The following SSUH2 variants were observed in gnomAD, a reference collection of about 807,000 sequenced individuals.
The protein encoded by SSUH2 is protein SSUH2 homolog.
SSUH2 carries 47 observed loss-of-function variants against 55.3 expected under a neutral mutation model. The ratio of observed to expected loss-of-function variants is 0.85; its 90% CI spans 0.67 to 1.08. The LOEUF (loss-of-function observed/expected upper bound fraction) is 1.08, where lower values mean the gene tolerates loss of function less well. Ranked by LOEUF, SSUH2 falls within the 50% of genes least tolerant of loss-of-function variation. The pLI is 0.00. For synonymous variants in SSUH2, 212 were observed against 191.5 expected (o/e 1.11, Z -0.89); for missense variants, 535 against 490.7 (o/e 1.09, Z -0.85).
At chr3:8,635,649 C>T (rs1699801391) in intron 2 of SSUH2, 110 bp downstream of exon 2, 2 of 1,061,774 alleles carry the variant, frequency 1.9e-6, no homozygotes, top group African/African-American at 1.6e-5. Context: ...TCCCAGGGCC[C>T]CCCCAGGGAA....
chr3:8,663,565 G>T (rs1018228326), intron 6 of SSUH2, among the ~76,000 whole-genome samples: 12 of 152,238 alleles, frequency 7.9e-5, no homozygotes, highest in Admixed American at 3.9e-4. Flanking sequence ...CAGCAGTGGG[G>T]CGGGGTGGGG....
intron 8 of SSUH2, among the ~76,000 whole-genome samples, 177 bp from the exon 9 acceptor site, chr3:8,626,498 T>C (rs905245778): frequency 6.6e-6 from 1 of 151,316 alleles, no homozygotes; most frequent in African/African-American, 2.4e-5. Context: ...TCTATGGGGA[T>C]CACCCTTCCC....
At chr3:8,632,257 CA>C in intron 4 of SSUH2, 148 bp from the exon 5 acceptor site, 3 of 651,478 alleles carry the variant, frequency 4.6e-6, no homozygotes. Flanking sequence ...AACTGGCTGA[CA>C]ACAGCGATTT....
chr3:8,660,441 A>C (rs949035208), intron 6 of SSUH2, among the ~76,000 whole-genome samples: 5 of 152,182 alleles, frequency 3.3e-5, no homozygotes, highest in African/African-American at 1.2e-4. Context: ...GTTAAGAAGA[A>C]AAGAACAAGT....
intron 3 of SSUH2, chr3:8,677,123 G>C (rs111831731): frequency 3.3e-5 from 5 of 150,242 alleles, no homozygotes; most frequent in African/African-American, 1.2e-4. Context: ...GATACCCCCC[G>C]CGAGGCAGGG....
In SSUH2 at chr3:8,672,907, C is replaced by T. The variant is rs57592477; in HGVS notation, c.-752-872G>A. ...ATCAATATCACTGGGTGGGTGTACACCTGCTGCGATATTGAACGTAATATC... is the reference window on the plus strand; with the variant it reads ...ATCAATATCACTGGGTGGGTGTACATCTGCTGCGATATTGAACGTAATATC... On this transcript the variant is annotated intron_variant, in intron 3 of 18. Transcript: ENST00000317371. 2.6e-5 allele frequency among the ~76,000 whole-genome samples: 4 copies of T among 152,176 alleles called. No individual in the cohort carries two copies. In the South Asian group the frequency reaches 8.3e-4, roughly 32 times the overall value.
chr3:8,663,762 A>G lies in SSUH2; in HGVS notation c.-414T>C, dbSNP rs1211060465. ...CTCTTACCTTAACAAGGATTTCCCAACAACTGGTTTCCATAGGTACCACAG... is the reference window on the plus strand; with the variant it reads ...CTCTTACCTTAACAAGGATTTCCCAGCAACTGGTTTCCATAGGTACCACAG... On this transcript the variant is annotated 5_prime_UTR_variant, in exon 6 of 19. Transcript: ENST00000317371. The G allele has an allele frequency of 5.3e-5, 24 of 456,032 alleles. No homozygotes were observed. In the East Asian group the frequency reaches 1.5e-3, roughly 29 times the overall value. The allele number at this position is 456,032 out of a possible 1,614,324, so 28.2% of individuals were successfully genotyped here.
At chr3:8,622,152 A>G (rs1312786062) in intron 11 of SSUH2, among the ~76,000 whole-genome samples, 2 of 152,288 alleles carry the variant, frequency 1.3e-5, no homozygotes, top group East Asian at 1.9e-4. Flanking sequence ...TCATGGCTGG[A>G]TTTCGGCTCT....
chr3:8,620,806 C>A (rs115112571), intron 11 of SSUH2, among the ~76,000 whole-genome samples: 1 of 152,170 alleles, frequency 6.6e-6, no homozygotes, highest in Non-Finnish European at 1.5e-5. Context: ...TATTAGGAAG[C>A]GGTTTCTAAC....
intron 7 of SSUH2, among the ~76,000 whole-genome samples, chr3:8,653,645 T>G (rs1045852548): frequency 6.6e-6 from 1 of 152,218 alleles, no homozygotes; most frequent in African/African-American, 2.4e-5. Flanking sequence ...AACATAGAAA[T>G]AACTAAAATA....
chr3:8,635,448 G>T, intron 2 of SSUH2, 67 bp from the exon 3 acceptor site: 1 of 1,182,300 alleles, frequency 8.5e-7, no homozygotes, highest in Non-Finnish European at 1.2e-6. Context: ...TGTGGTGGAA[G>T]AAGGAAAGAC....
At chr3:8,650,351 G>A (rs1702254081) in intron 7 of SSUH2, among the ~76,000 whole-genome samples, 1 of 152,212 alleles carries the variant, frequency 6.6e-6, no homozygotes. Context: ...AAGCATATTT[G>A]TGTCTGTTTA....
chr3:8,619,644 T>C lies in SSUH2; in HGVS notation c.*224A>G. 2.1e-6 allele frequency: 1 copy of C among 468,622 alleles called. No individual in the cohort carries two copies. Among genetic ancestry groups the C allele is most frequent in the Non-Finnish European group, 3.7e-6 (1 of 268,628 alleles). The allele number at this position is 468,622 out of a possible 1,614,324, so 29.0% of individuals were successfully genotyped here. A position where few individuals can be genotyped will look rare whatever the true frequency, so the allele number is the denominator to read the frequency against. Reference sequence around the variant, plus strand: ...TTCTCTCATTTGTTCTACAGGAATGTGTATAGCTGAATTATTGTAGGTTAA... The same window carrying C: ...TTCTCTCATTTGTTCTACAGGAATGCGTATAGCTGAATTATTGTAGGTTAA... On this transcript the variant is annotated 3_prime_UTR_variant, in exon 12 of 12. Transcript: ENST00000544814.
chr3:8,646,278 A>G (rs1226223899), upstream of SSUH2, among the ~76,000 whole-genome samples: 3 of 152,222 alleles, frequency 2.0e-5, no homozygotes, highest in Non-Finnish European at 4.4e-5. Flanking sequence ...TAATGACAAA[A>G]TGCTTGCAAC....
At chr3:8,675,366 C>A (rs1705123425) in intron 3 of SSUH2, among the ~76,000 whole-genome samples, 1 of 152,206 alleles carries the variant, frequency 6.6e-6, no homozygotes, top group Non-Finnish European at 1.5e-5. Context: ...TGGCTCGAGA[C>A]CATCAGAAGT....
chr3:8,630,915 C>T lies in SSUH2; in HGVS notation c.415G>A (p.Gly139Arg), dbSNP rs755256111. The change falls in exon 6 of 12, where the codon GGG becomes AGG. Residue 139 changes from glycine (G) to arginine (R), a missense_variant. Physicochemically the swap from Gly to Arg is moderately radical, Grantham distance 125. Coordinates refer to ENST00000544814, the MANE Select transcript of SSUH2 (RefSeq NM_001256748.3). Reference sequence around the variant, plus strand: ...CTGGGGGAGGCGCCTCTTTGCGGCCCATCCACAGAGTGGTCTGACACAGAA... The same window carrying T: ...CTGGGGGAGGCGCCTCTTTGCGGCCTATCCACAGAGTGGTCTGACACAGAA... ...FQPFTNHSVD[G>R]PQRGASPRLW... 3 of 1,443,806 alleles carry T rather than the reference C, an allele frequency of 2.1e-6. No individual in the cohort carries two copies. In the Admixed American group the frequency reaches 8.2e-5, roughly 39 times the overall value. 89.4% of individuals were successfully genotyped at this position (1,443,806 alleles called of 1,614,324 possible).
At chr3:8,645,557 T>C (rs1251940910), upstream of SSUH2, among the ~76,000 whole-genome samples, 1 of 152,180 alleles carries the variant, frequency 6.6e-6, no homozygotes, top group Non-Finnish European at 1.5e-5. Flanking sequence ...CGAGGCTCTA[T>C]GGGTCCCACC....
At position 8,679,074 on chromosome 3, in the gene SSUH2, C is replaced by T. The variant is rs556348404; in HGVS notation, c.-901+631G>A. On this transcript the variant is annotated intron_variant, in intron 2 of 18. Transcript: ENST00000317371. Reference sequence around the variant, plus strand: ...AGGGGAGGAAGCACCCCCCGCGAGGCGGGGACTGAGAGCAAGCACCTCTTT... The same window carrying T: ...AGGGGAGGAAGCACCCCCCGCGAGGTGGGGACTGAGAGCAAGCACCTCTTT... Among the ~76,000 whole-genome samples, 47 of 104,692 alleles carry T rather than the reference C, an allele frequency of 4.5e-4. 3 individuals are homozygous for T. Among genetic ancestry groups the T allele is most frequent in the Admixed American group, 9.4e-4 (10 of 10,692 alleles). The allele number at this position is 104,692 out of a possible 152,430, so 68.7% of individuals were successfully genotyped here. A position where few individuals can be genotyped will look rare whatever the true frequency, so the allele number is the denominator to read the frequency against.
At position 8,635,787 on chromosome 3, in the gene SSUH2, G is replaced by A. The variant is rs1461934228; in HGVS notation, c.99C>T (p.Pro33=). ...APPTELLERL[P]SYDWLLQGGR... ...CCCCTTGAAGAAGCCAGTCATAGCTGGGCAGTCTCTCCAGGAGCTCTGTGG... is the reference window on the plus strand; with the variant it reads ...CCCCTTGAAGAAGCCAGTCATAGCTAGGCAGTCTCTCCAGGAGCTCTGTGG... Residue 33 remains proline (P), a synonymous_variant, in exon 2 of 12, where the codon CCC becomes CCT. Coordinates refer to ENST00000544814, the MANE Select transcript of SSUH2 (RefSeq NM_001256748.3). 4 of 1,535,954 alleles carry A rather than the reference G, an allele frequency of 2.6e-6. No homozygotes were observed. The highest frequency in any genetic ancestry group is 3.9e-5 in the Admixed American group (2 of 51,000).
Sources: allele counts gnomAD v4.1 joint callset (sites outside exome capture counted in the v4.1 genomes callset), GRCh38; gene constraint gnomAD v4.1.1; transcripts MANE v1.5; gene names NCBI Gene and HGNC (gene_info 2026-07-23, HGNC 2026-07-21).